Variants in PDE4DIP observed in about 807,000 individuals in gnomAD.
PDE4DIP encodes the protein phosphodiesterase 4D interacting protein.
In PDE4DIP, 59 loss-of-function variants were observed where a neutral mutation model predicts 221.4. The ratio of observed to expected loss-of-function variants is 0.27; its 90% confidence interval spans 0.22 to 0.33. PDE4DIP has a LOEUF of 0.33. PDE4DIP is among the 10% of genes least tolerant of loss of function. The pLI, the probability that PDE4DIP is intolerant of heterozygous loss-of-function variation, is 1.00. For missense variants in PDE4DIP, 1,036 were observed against 2,154.2 expected (o/e 0.48, Z 10.28); for synonymous variants, 404 against 815.9 (o/e 0.50, Z 8.60).
intron 21 of PDE4DIP, among the ~76,000 whole-genome samples, chr1:148,987,907 A>G (rs2152325744): frequency 6.6e-6 from 1 of 152,294 alleles, no homozygotes; most frequent in African/African-American, 2.4e-5. Flanking sequence ...TCTGTAAAGC[A>G]AAATAAAACA....
intron 21 of PDE4DIP, among the ~76,000 whole-genome samples, chr1:148,986,794 G>A (rs1553550257): frequency 6.6e-6 from 1 of 152,196 alleles, no homozygotes; most frequent in African/African-American, 2.4e-5. Flanking sequence ...GCCAACTGTG[G>A]TGGGTAGTGC....
intron 18 of PDE4DIP, 81 bp from the exon 22 acceptor site, chr1:148,978,197 A>G (rs1365969581): frequency 4.5e-6 from 6 of 1,347,990 alleles, no homozygotes; most frequent in Non-Finnish European, 6.3e-6. Flanking sequence ...AGAATATTTC[A>G]AGACATTTGT....
intron 1 of PDE4DIP, among the ~76,000 whole-genome samples, chr1:148,890,715 G>A (rs1335663182): frequency 4.6e-5 from 4 of 86,736 alleles, no homozygotes; most frequent in Admixed American, 1.3e-4. Context: ...GGATTGCGCC[G>A]CTACACTCCA....
chr1:149,028,494 G>A (rs1398181923), intron 40 of PDE4DIP, 66 bp from the exon 44 acceptor site: 3 of 1,469,644 alleles, frequency 2.0e-6, no homozygotes, highest in African/African-American at 2.8e-5. Flanking sequence ...ACTCACAAAG[G>A]AAGCTTGAGC....
At chr1:148,927,039 T>C (rs1300046314) in intron 1 of PDE4DIP, among the ~76,000 whole-genome samples, 2 of 149,216 alleles carry the variant, frequency 1.3e-5, no homozygotes, top group African/African-American at 5.0e-5. Context: ...CAACAAACAA[T>C]GTTTTAGCGT....
intron 1 of PDE4DIP, among the ~76,000 whole-genome samples, chr1:148,828,541 G>C (rs587626565): frequency 3.6e-3 from 543 of 148,926 alleles, no homozygotes; most frequent in African/African-American, 0.013. Flanking sequence ...TTCCAGTATT[G>C]TTTCTGGTCC....
At chr1:148,996,630 A>G (rs1378160505) in intron 22 of PDE4DIP, among the ~76,000 whole-genome samples, 1 of 152,116 alleles carries the variant, frequency 6.6e-6, no homozygotes, top group Non-Finnish European at 1.5e-5. Flanking sequence ...ACTGAACACC[A>G]TTGCACATGC....
At chr1:149,000,118 A>T (rs1553572955) in intron 23 of PDE4DIP, among the ~76,000 whole-genome samples, 1 of 152,166 alleles carries the variant, frequency 6.6e-6, no homozygotes. Context: ...AACACACCAG[A>T]TAAGCTCTGC....
At chr1:148,963,041 C>T (rs751529664) in intron 9 of PDE4DIP, among the ~76,000 whole-genome samples, 8 of 152,104 alleles carry the variant, frequency 5.3e-5, no homozygotes, top group Non-Finnish European at 1.2e-4. Context: ...TACAGGCGCC[C>T]GCCACCATGC....
intron 9 of PDE4DIP, among the ~76,000 whole-genome samples, chr1:148,962,959 C>G (rs1400917736): frequency 1.3e-5 from 2 of 152,202 alleles, no homozygotes; most frequent in African/African-American, 4.8e-5. Context: ...GTGGCGCGAT[C>G]TCCGCTCACT....
intron 42 of PDE4DIP, 106 bp downstream of exon 45, chr1:149,030,031 T>G (rs1553635238): frequency 0.1 from 68,962 of 680,770 alleles, 4,985 homozygotes; most frequent in East Asian, 0.4. Context: ...TGTTGGGAGT[T>G]GAGACTGATT....
intron 1 of PDE4DIP, chr1:148,915,884 TATC>T (rs1312014296): frequency 2.0e-5 from 3 of 153,684 alleles, no homozygotes; most frequent in East Asian, 3.5e-4. Flanking sequence ...CAGTGCCTGT[TATC>T]ATCCCTGCCC....
chr1:149,022,933 G>T (rs1327020145), intron 37 of PDE4DIP, among the ~76,000 whole-genome samples: 5 of 152,096 alleles, frequency 3.3e-5, no homozygotes, highest in African/African-American at 1.2e-4. Context: ...AAGATGAAAG[G>T]GTATAGATAG....
chr1:148,914,154 T>G (rs2043315087), intron 1 of PDE4DIP, among the ~76,000 whole-genome samples: 1 of 127,600 alleles, frequency 7.8e-6, no homozygotes, highest in African/African-American at 3.6e-5. Flanking sequence ...AGCTCCAACA[T>G]TAGTAATTTG....
chr1:148,936,872 T>C (rs1452229369), intron 4 of PDE4DIP, among the ~76,000 whole-genome samples: 1 of 152,042 alleles, frequency 6.6e-6, no homozygotes, highest in Non-Finnish European at 1.5e-5. Context: ...CACATGGAGC[T>C]GTCATCTCCT....
rs587710898 is a variant in PDE4DIP at position 148,967,721 on chromosome 1, T to C, written c.1606-5T>C. The C allele has an allele frequency of 1.7e-5, 26 of 1,559,040 alleles. No homozygotes were observed. The African/African-American group carries it at 3.5e-4, about 21-fold the overall frequency. ...GACTGATTATTGCTCTCTTTATGGC[T>C]GTAGAGTATGGAGAGTCTCCTGAGG... On this transcript the variant is annotated splice_region_variant and splice_polypyrimidine_tract_variant and intron_variant, in intron 12 of 43. Coordinates refer to ENST00000369354, the Ensembl canonical transcript of PDE4DIP.
At chr1:149,016,975 A>G (rs1243739868) in intron 33 of PDE4DIP, among the ~76,000 whole-genome samples, 1 of 152,242 alleles carries the variant, frequency 6.6e-6, no homozygotes, top group African/African-American at 2.4e-5. Flanking sequence ...AGTCACAGCA[A>G]GTGGAGAGGT....
rs587692982 is a variant in PDE4DIP, at chr1:148,890,803, T to C, written c.141+909T>C. Among the ~76,000 whole-genome samples, 19 of 81,342 alleles carry C rather than the reference T, an allele frequency of 2.3e-4. No individual in the cohort carries two copies. In the South Asian group the frequency reaches 9.3e-3, roughly 40 times the overall value. The allele number at this position is 81,342 out of a possible 152,430, so 53.4% of individuals were successfully genotyped here. A position where few individuals can be genotyped will look rare whatever the true frequency, so the allele number is the denominator to read the frequency against. ...TCGTACCAAAGGGGTGGCACTATGTTGTCCAGGCTGGTCTCAAACTCCTGG... is the reference window on the plus strand; with the variant it reads ...TCGTACCAAAGGGGTGGCACTATGTCGTCCAGGCTGGTCTCAAACTCCTGG... On this transcript the variant is annotated intron_variant, in intron 1 of 43. Transcript: ENST00000369354.
At chr1:149,016,357 C>T (rs376826439) in exon 33 of PDE4DIP, 45 of 1,525,274 alleles carry the variant, frequency 3.0e-5, no homozygotes, top group Admixed American at 1.9e-4. Context: ...ACTTGGAAGC[C>T]GACTCTTCCT....
Sources: gnomAD v4.1 joint callset for allele counts (sites outside exome capture counted in the v4.1 genomes callset) on GRCh38, gnomAD v4.1.1 for gene constraint, MANE v1.5 for transcripts, NCBI Gene and HGNC (gene_info 2026-07-23, HGNC 2026-07-21) for gene names.